The following KSR2 variants were observed in gnomAD, a reference collection of about 807,000 sequenced individuals.
KSR2 encodes kinase suppressor of ras 2.
In KSR2, 25 loss-of-function variants were observed where a neutral mutation model predicts 107.8. The ratio of observed to expected loss-of-function variants is 0.23; its 90% CI spans 0.17 to 0.32. The LOEUF (loss-of-function observed/expected upper bound fraction) is 0.32, where lower values mean the gene tolerates loss of function less well. Ranked by LOEUF, KSR2 falls within the 10% of genes least tolerant of loss-of-function variation. The pLI is 1.00. For synonymous variants in KSR2, 480 were observed against 507.0 expected, an observed-to-expected ratio of 0.95 and a Z score of 0.71; for missense variants, 887 against 1,268.9, an observed-to-expected ratio of 0.70 and a Z score of 4.57.
intron 6 of KSR2, among the ~76,000 whole-genome samples, chr12:117,581,900 T>TC (rs1879688529): frequency 6.6e-6 from 1 of 152,258 alleles, no homozygotes; most frequent in African/African-American, 2.4e-5. Flanking sequence ...CCAGGCCCTT[T>TC]ACAAATATTA....
At position 117,507,889 on chromosome 12, in the gene KSR2, C is replaced by A. The variant is rs74770852; in HGVS notation, c.2219+16963G>T. Among the ~76,000 whole-genome samples, 12 of 152,230 alleles carry A rather than the reference C, an allele frequency of 7.9e-5. No individual in the cohort carries two copies. In the East Asian group the frequency reaches 2.3e-3, roughly 29 times the overall value. On this transcript the variant is annotated intron_variant, in intron 14 of 19. Coordinates refer to ENST00000339824, the MANE Select transcript of KSR2 (RefSeq NM_173598.6). ...TCAGGCTGAACTACCTCAGGACCTG[C>A]TAAACTGGCACCTTCTCTCCCTGTC...
intron 4 of KSR2, among the ~76,000 whole-genome samples, chr12:117,731,463 G>A (rs1416619059): frequency 6.6e-6 from 1 of 150,536 alleles, no homozygotes; most frequent in Non-Finnish European, 1.5e-5. Flanking sequence ...GAGGTGGGGG[G>A]CGCCTCTGCC....
At chr12:117,661,607 G>A (rs563451410) in intron 5 of KSR2, among the ~76,000 whole-genome samples, 13 of 152,318 alleles carry the variant, frequency 8.5e-5, no homozygotes, top group Admixed American at 5.9e-4. Context: ...ATAACCCGGG[G>A]ATTCTGAAAT....
chr12:117,711,321 T>A (rs868817247), intron 4 of KSR2, among the ~76,000 whole-genome samples: 21 of 151,864 alleles, frequency 1.4e-4, no homozygotes, highest in Admixed American at 9.8e-4. Context: ...TCAGAAGGAG[T>A]CAGCCATGCA....
Position 117,968,403 on chromosome 12 carries a change from G to A in KSR2, c.-148C>T, listed in dbSNP as rs558640961. The A allele has an allele frequency of 3.4e-5, 46 of 1,352,424 alleles. No homozygotes were observed. Among genetic ancestry groups the A allele is most frequent in the Admixed American group, 3.3e-4 (9 of 27,524 alleles). The allele number at this position is 1,352,424 out of a possible 1,614,324, so 83.8% of individuals were successfully genotyped here. The stretch of plus-strand genomic sequence containing the variant: ...GAAGAAATCCAACATCTCACACAGG[G>A]TTGAGGGGGTGGGAGTGGGAGGAGG... On this transcript the variant is annotated 5_prime_UTR_variant, in exon 1 of 20. Coordinates refer to ENST00000339824, the MANE Select transcript of KSR2 (RefSeq NM_173598.6).
intron 5 of KSR2, among the ~76,000 whole-genome samples, chr12:117,637,675 G>GTTTTTTTTTTTTTTTTTTTTTTTTTTTT (rs56169273): frequency 1.1e-5 from 1 of 92,108 alleles, no homozygotes; most frequent in Non-Finnish European, 2.0e-5. Flanking sequence ...TCAGTTTTGG[G>GTTTTTTTTTTTTTTTTTTTTTTTTTTTT]TTTTTTTTTT....
chr12:117,678,099 C>T (rs1885214080), intron 4 of KSR2, among the ~76,000 whole-genome samples: 1 of 120,634 alleles, frequency 8.3e-6, no homozygotes. Flanking sequence ...CAAAGCCCAG[C>T]TAATTTTTTT....
chr12:117,497,132 C>T (rs1225059834), intron 14 of KSR2, among the ~76,000 whole-genome samples: 6 of 152,034 alleles, frequency 3.9e-5, no homozygotes, highest in Admixed American at 3.3e-4. Flanking sequence ...CCTGCCTTGG[C>T]CTCCTGAAGT....
chr12:117,636,134 ACT>A (rs1883060796), intron 5 of KSR2, among the ~76,000 whole-genome samples: 1 of 151,960 alleles, frequency 6.6e-6, no homozygotes, highest in East Asian at 1.9e-4. Context: ...TTTGGATTTT[ACT>A]CATCTTCCAC....
At chr12:117,939,636 C>T (rs1895946257) in intron 1 of KSR2, among the ~76,000 whole-genome samples, 1 of 152,074 alleles carries the variant, frequency 6.6e-6, no homozygotes, top group African/African-American at 2.4e-5. Context: ...CGCTTGAACC[C>T]AGGAGGCGGA....
intron 9 of KSR2, among the ~76,000 whole-genome samples, chr12:117,550,449 T>C (rs2137318563): frequency 6.6e-6 from 1 of 152,352 alleles, no homozygotes; most frequent in Non-Finnish European, 1.5e-5. Context: ...TTCAATGGAC[T>C]GTCCTAAACA....
intron 4 of KSR2, among the ~76,000 whole-genome samples, chr12:117,695,502 T>A (rs7952866): frequency 0.29 from 42,532 of 148,928 alleles, 6,107 homozygotes; most frequent in African/African-American, 0.31. Flanking sequence ...GCTCAGGAAT[T>A]CAAGACCAGC....
At chr12:117,712,921 C>T (rs1886841249) in intron 4 of KSR2, among the ~76,000 whole-genome samples, 1 of 151,692 alleles carries the variant, frequency 6.6e-6, no homozygotes, top group African/African-American at 2.4e-5. Flanking sequence ...TAGACAGAAG[C>T]AAGATACAGA....
At chr12:117,867,303 G>A (rs1215386547) in intron 1 of KSR2, among the ~76,000 whole-genome samples, 3 of 151,702 alleles carry the variant, frequency 2.0e-5, no homozygotes, top group East Asian at 1.9e-4. Flanking sequence ...GCAACAAAGC[G>A]AGACCTTGTA....
At chr12:117,955,457 A>G (rs7974380) in intron 1 of KSR2, among the ~76,000 whole-genome samples, 92,565 of 151,932 alleles carry the variant, frequency 0.61, 29,133 homozygotes, top group African/African-American at 0.77. Context: ...TTGGCAAGGA[A>G]AGATCATTTG....
intron 4 of KSR2, among the ~76,000 whole-genome samples, chr12:117,735,018 G>C (rs542030425): frequency 6.6e-6 from 1 of 152,260 alleles, no homozygotes; most frequent in South Asian, 2.1e-4. Context: ...CGTTTCTGGG[G>C]CCTCAGCTGT....
intron 1 of KSR2, among the ~76,000 whole-genome samples, chr12:117,938,939 C>A (rs1428210915): frequency 1.4e-5 from 2 of 148,078 alleles, no homozygotes; most frequent in Admixed American, 1.3e-4. Flanking sequence ...TTTAAATGAA[C>A]AAAAATCACT....
chr12:117,864,663 G>A (rs1439136966), intron 1 of KSR2, among the ~76,000 whole-genome samples: 3 of 152,190 alleles, frequency 2.0e-5, no homozygotes, highest in South Asian at 2.1e-4. Context: ...AGGCACTGCG[G>A]AAGGCCCTGC....
At chr12:117,712,513 C>T (rs1886823731) in intron 4 of KSR2, among the ~76,000 whole-genome samples, 1 of 152,182 alleles carries the variant, frequency 6.6e-6, no homozygotes, top group Non-Finnish European at 1.5e-5. Flanking sequence ...ACATTCTCAC[C>T]TGCTCCTTCT....
Sources: gnomAD v4.1 joint callset for allele counts (sites outside exome capture counted in the v4.1 genomes callset) on GRCh38, gnomAD v4.1.1 for gene constraint, MANE v1.5 for transcripts, NCBI Gene and HGNC (gene_info 2026-07-23, HGNC 2026-07-21) for gene names.